The following RYR3 variants were observed in gnomAD, a reference collection of about 807,000 sequenced individuals.
RYR3 encodes the protein ryanodine receptor 3, also known as brain ryanodine receptor-calcium release channel.
A neutral mutation model predicts 584.3 loss-of-function variants in RYR3; 207 were observed. That is an observed-to-expected ratio of 0.35 (90% CI 0.32 to 0.40). The LOEUF is 0.40. Ranked by LOEUF, RYR3 falls within the 10% of genes least tolerant of loss-of-function variation. The pLI, the probability that RYR3 is intolerant of heterozygous loss-of-function variation, is 1.00. For synonymous variants in RYR3, 2,416 were observed against 2,248.5 expected (o/e 1.07, Z -2.11); for missense variants, 5,616 against 6,089.2 (o/e 0.92, Z 2.59).
At position 33,821,515 on chromosome 15, in the gene RYR3, C is replaced by T; in HGVS notation, c.10916-8C>T. On this transcript the variant is annotated splice_polypyrimidine_tract_variant and splice_region_variant and intron_variant, in intron 79 of 103. Coordinates refer to ENST00000634891, the MANE Select transcript of RYR3 (RefSeq NM_001036.6). ...CTTGGTGATTCAATCGAATCTTCACCATGGCAGGTGAGATGAGCCCCATGG... is the reference window on the plus strand; with the variant it reads ...CTTGGTGATTCAATCGAATCTTCACTATGGCAGGTGAGATGAGCCCCATGG... The T allele has an allele frequency of 6.2e-7, 1 of 1,613,878 alleles. No homozygotes were observed. The highest frequency in any genetic ancestry group is 8.5e-7 in the Non-Finnish European group (1 of 1,179,790).
intron 1 of RYR3, among the ~76,000 whole-genome samples, chr15:33,312,697 G>C (rs150119364): frequency 2.8e-4 from 43 of 152,150 alleles, no homozygotes; most frequent in African/African-American, 1.0e-3. Flanking sequence ...TCTTCTAGGC[G>C]TTATTGCTTG....
At chr15:33,784,326 T>G (rs993170872) in intron 65 of RYR3, among the ~76,000 whole-genome samples, 4 of 152,158 alleles carry the variant, frequency 2.6e-5, no homozygotes, top group Non-Finnish European at 5.9e-5. Flanking sequence ...ATCCTTCAAT[T>G]CCAATGGATA....
Position 33,605,004 on chromosome 15 carries a change from A to T in RYR3, c.2164+1640A>T, listed in dbSNP as rs10519835. Among the ~76,000 whole-genome samples, 16 of 152,188 alleles carry T rather than the reference A, an allele frequency of 1.1e-4. 1 individual carries two copies. Among genetic ancestry groups the T allele is most frequent in the African/African-American group, 3.9e-4 (16 of 41,534 alleles). On this transcript the variant is annotated intron_variant, in intron 18 of 103. Coordinates refer to ENST00000634891, the MANE Select transcript of RYR3 (RefSeq NM_001036.6). Reference sequence around the variant, plus strand: ...CACCAACTCGCCACCATAGCCCAAGAATGTTCTCTGGAGCCCAGCTACACC... The same window carrying T: ...CACCAACTCGCCACCATAGCCCAAGTATGTTCTCTGGAGCCCAGCTACACC...
intron 1 of RYR3, among the ~76,000 whole-genome samples, chr15:33,385,738 C>T (rs1279733404): frequency 1.6e-5 from 2 of 128,950 alleles, no homozygotes; most frequent in African/African-American, 3.0e-5. Context: ...GGGTCTCACT[C>T]TGTAGCCCAG....
intron 16 of RYR3, among the ~76,000 whole-genome samples, chr15:33,596,387 C>T (rs750625275): frequency 1.3e-5 from 2 of 150,750 alleles, no homozygotes; most frequent in African/African-American, 2.4e-5. Context: ...AGATTATTCA[C>T]GAAAACTGTG....
intron 55 of RYR3, among the ~76,000 whole-genome samples, chr15:33,748,770 A>C (rs562551435): frequency 2.8e-4 from 42 of 152,248 alleles, no homozygotes; most frequent in Non-Finnish European, 5.7e-4. Context: ...CTCAGTAGGA[A>C]GCACCACCAG....
intron 64 of RYR3, among the ~76,000 whole-genome samples, chr15:33,779,872 A>G (rs569122429): frequency 1.3e-5 from 2 of 152,008 alleles, no homozygotes; most frequent in South Asian, 4.2e-4. Context: ...TTAACCGGGC[A>G]TGGTGGTGGG....
At chr15:33,523,287 A>G (rs950977646) in intron 3 of RYR3, among the ~76,000 whole-genome samples, 1 of 152,180 alleles carries the variant, frequency 6.6e-6, no homozygotes, top group Non-Finnish European at 1.5e-5. Flanking sequence ...CCTTCCACGC[A>G]GTGGAAGCTT....
intron 3 of RYR3, among the ~76,000 whole-genome samples, chr15:33,504,376 C>G (rs146079521): frequency 6.6e-6 from 1 of 152,266 alleles, no homozygotes; most frequent in East Asian, 1.9e-4. Flanking sequence ...CCTAATGGCT[C>G]ACATTCATTT....
At chr15:33,534,355 C>T (rs1047071228) in intron 5 of RYR3, among the ~76,000 whole-genome samples, 4 of 152,198 alleles carry the variant, frequency 2.6e-5, no homozygotes, top group African/African-American at 7.2e-5. Context: ...GAGCCGAGAT[C>T]GCACCATTGC....
At chr15:33,638,230 G>T (rs747369273) in intron 27 of RYR3, among the ~76,000 whole-genome samples, 2 of 152,212 alleles carry the variant, frequency 1.3e-5, no homozygotes, top group South Asian at 4.1e-4. Context: ...CTGTGTGCTG[G>T]TTCAGAGGCA....
chr15:33,525,933 G>A lies in RYR3; in HGVS notation c.280-4659G>A, dbSNP rs540197866. 3.7e-4 allele frequency among the ~76,000 whole-genome samples: 57 copies of A among 152,282 alleles called. No homozygotes were observed. In the South Asian group the frequency reaches 0.01, roughly 28 times the overall value. On this transcript the variant is annotated intron_variant, in intron 3 of 103. Transcript: ENST00000634891. ...GGTGTGAAAGGAAGAGAAAATTAAA[G>A]TGCACATCCATGCTTGGAAAATGAC...
intron 16 of RYR3, 127 bp downstream of exon 16, chr15:33,586,243 G>A: frequency 1.5e-6 from 1 of 665,534 alleles, no homozygotes; most frequent in Non-Finnish European, 2.7e-6. Flanking sequence ...TTGGGAAACT[G>A]GAAAAAAGAC....
At chr15:33,551,178 G>C (rs1529848) in intron 10 of RYR3, among the ~76,000 whole-genome samples, 107,924 of 152,112 alleles carry the variant, frequency 0.71, 39,965 homozygotes, top group Middle Eastern at 0.86. Flanking sequence ...GTTCTGGAAA[G>C]ATCATCCAAG....
At chr15:33,864,948 A>G in intron 103 of RYR3, 183 bp from the exon 104 acceptor site, 1 of 544,276 alleles carries the variant, frequency 1.8e-6, no homozygotes, top group Non-Finnish European at 3.3e-6. Flanking sequence ...TGTGTCAGAG[A>G]GACATGGCTT....
chr15:33,455,850 G>A (rs1240998350), intron 1 of RYR3, among the ~76,000 whole-genome samples: 2 of 152,128 alleles, frequency 1.3e-5, no homozygotes, highest in Non-Finnish European at 2.9e-5. Context: ...TAAACATAAT[G>A]GAGGCAGGCT....
intron 42 of RYR3, among the ~76,000 whole-genome samples, chr15:33,706,049 AC>A (rs2066689359): frequency 6.6e-6 from 1 of 152,234 alleles, no homozygotes; most frequent in Admixed American, 6.5e-5. Flanking sequence ...TCACTTGGAA[AC>A]AAAAAATGAA....
At chr15:33,326,856 A>G (rs1969764421) in intron 1 of RYR3, among the ~76,000 whole-genome samples, 1 of 152,200 alleles carries the variant, frequency 6.6e-6, no homozygotes, top group South Asian at 2.1e-4. Context: ...TTACTACAGC[A>G]TGGTTTTGAT....
At chr15:33,414,542 A>C (rs1485517452) in intron 1 of RYR3, among the ~76,000 whole-genome samples, 1 of 152,144 alleles carries the variant, frequency 6.6e-6, no homozygotes, top group Non-Finnish European at 1.5e-5. Flanking sequence ...ACAATATTTG[A>C]ATCTTGACTC....
Sources: allele counts gnomAD v4.1 joint callset (sites outside exome capture counted in the v4.1 genomes callset), GRCh38; gene constraint gnomAD v4.1.1; transcripts MANE v1.5; gene names NCBI Gene and HGNC (gene_info 2026-07-23, HGNC 2026-07-21).